The following SMARCC1 variants were observed in gnomAD, a reference collection of about 807,000 sequenced individuals.
SMARCC1 encodes the protein SWI/SNF complex subunit SMARCC1.
A neutral mutation model predicts 147.4 loss-of-function variants in SMARCC1; 43 were observed. That is an observed-to-expected ratio of 0.29 (90% confidence interval 0.23 to 0.38). The LOEUF is 0.38. Among genes scored for constraint, SMARCC1 ranks in the 10% least tolerant of loss-of-function variants. The pLI is 1.00. For synonymous variants in SMARCC1, 495 were observed against 484.4 expected, an observed-to-expected ratio of 1.02 and a Z score of -0.29; for missense variants, 1,119 against 1,381.1, an observed-to-expected ratio of 0.81 and a Z score of 3.01.
chr3:47,588,952 A>C lies in SMARCC1; in HGVS notation c.3221-646T>G, dbSNP rs2032129010. ...TGGGACTCTTTCCTATTTCAACTTT[A>C]CCTGCTTTAGTGTACAAAAGAACCC... On this transcript the variant is annotated intron_variant, in intron 27 of 27. Coordinates refer to ENST00000254480, the MANE Select transcript of SMARCC1 (RefSeq NM_003074.4). Among the ~76,000 whole-genome samples the C allele has an allele frequency of 2.0e-5, 3 of 152,030 alleles. No homozygotes were observed. The South Asian group carries it at 6.2e-4, about 32-fold the overall frequency.
In SMARCC1 at chr3:47,590,740, G is replaced by T; in HGVS notation, c.3141C>A (p.Gly1047=). The stretch of plus-strand genomic sequence containing the variant: ...TTGGTGGCATGCCAGGAGGGGTAGG[G>T]CCACTCCCAGAGGGGTGGATGTTGG... ...VAANIHPSGS[G]PTPPGMPPMP... The change falls in exon 27 of 28, where the codon GGC becomes GGA. Residue 1047 remains glycine, a synonymous_variant. Transcript: ENST00000254480. 1 of 1,602,336 alleles carries T rather than the reference G, an allele frequency of 6.2e-7. No individual in the cohort carries two copies. The highest frequency in any genetic ancestry group is 1.1e-5 in the South Asian group (1 of 89,026).
chr3:47,727,297 A>G (rs1240511892), intron 6 of SMARCC1, among the ~76,000 whole-genome samples: 5 of 152,146 alleles, frequency 3.3e-5, no homozygotes, highest in African/African-American at 1.2e-4. Flanking sequence ...TCATGAGGTC[A>G]GGAGTTCGAG....
chr3:47,627,586 A>G (rs1322774685), intron 24 of SMARCC1, among the ~76,000 whole-genome samples: 2 of 152,194 alleles, frequency 1.3e-5, no homozygotes, highest in African/African-American at 2.4e-5. Flanking sequence ...CCAGAGCACT[A>G]CCAGCAAAGG....
chr3:47,744,805 C>T (rs1477554268), intron 3 of SMARCC1, among the ~76,000 whole-genome samples: 1 of 152,070 alleles, frequency 6.6e-6, no homozygotes, highest in Non-Finnish European at 1.5e-5. Context: ...CCAAGAGAGA[C>T]AGCTAGAAAA....
chr3:47,698,820 T>A (rs570751764), intron 11 of SMARCC1, among the ~76,000 whole-genome samples: 1 of 151,970 alleles, frequency 6.6e-6, no homozygotes, highest in East Asian at 1.9e-4. Context: ...AAAACTATAA[T>A]AACTCAGGCC....
rs139270902 is a variant in SMARCC1, at chr3:47,720,200, T to C, written c.716+466A>G. 7.5e-3 allele frequency among the ~76,000 whole-genome samples: 1,144 copies of C among 152,272 alleles called. 7 individuals are homozygous for C. Among genetic ancestry groups the C allele is most frequent in the Non-Finnish European group, 0.012 (838 of 68,022 alleles). On this transcript the variant is annotated intron_variant, in intron 7 of 27. Transcript: ENST00000254480. ...GGGAAACGGCGCAATCTCGGCTCAC[T>C]GAAACCTCCACCTCCCGGGTTCAAG...
chr3:47,693,278 T>C lies in SMARCC1; in HGVS notation c.1188A>G (p.Glu396=). 1 of 1,589,070 alleles carries C rather than the reference T, an allele frequency of 6.3e-7. No individual in the cohort carries two copies. The highest frequency in any genetic ancestry group is 1.1e-5 in the South Asian group (1 of 90,452). The change falls in exon 12 of 28, where the codon GAA becomes GAG. Residue 396 remains glutamate (E), a synonymous_variant. Coordinates refer to ENST00000254480, the MANE Select transcript of SMARCC1 (RefSeq NM_003074.4). ...PKNVNLKKDS[E]NTPVKGGTVA... Reference sequence around the variant, plus strand: ...CAGTTCCTCCTTTAACAGGTGTATTTTCACTATCTTTCTTTAGGTTCACTA... The same window carrying C: ...CAGTTCCTCCTTTAACAGGTGTATTCTCACTATCTTTCTTTAGGTTCACTA...
At chr3:47,776,044 A>G (rs1212861193) in intron 1 of SMARCC1, among the ~76,000 whole-genome samples, 7 of 151,860 alleles carry the variant, frequency 4.6e-5, no homozygotes, top group African/African-American at 1.7e-4. Flanking sequence ...GCTGCTTGGG[A>G]GGCTGAGGCA....
rs1299961613 is a variant in SMARCC1, at chr3:47,587,979, GA to G, written c.*229del. Reference sequence around the variant, plus strand: ...GGGAGATGCAGGTTATTTTAAGGATGACCAGGGCACACTGTCACTACAGGTT... The same window carrying G: ...GGGAGATGCAGGTTATTTTAAGGATGCCAGGGCACACTGTCACTACAGGTT... On this transcript the variant is annotated 3_prime_UTR_variant, in exon 28 of 28. Coordinates refer to ENST00000254480, the MANE Select transcript of SMARCC1 (RefSeq NM_003074.4). 2 of 527,712 alleles carry G rather than the reference GA, an allele frequency of 3.8e-6. No individual in the cohort carries two copies. Among genetic ancestry groups the G allele is most frequent in the Non-Finnish European group, 6.7e-6 (2 of 299,252 alleles). The allele number at this position is 527,712 out of a possible 1,614,324, so 32.7% of individuals were successfully genotyped here.
chr3:47,602,118 T>C (rs2032397296), intron 26 of SMARCC1, among the ~76,000 whole-genome samples: 1 of 151,982 alleles, frequency 6.6e-6, no homozygotes, highest in Admixed American at 6.6e-5. Flanking sequence ...TGTAAGTAGG[T>C]GTGAGGGGCT....
intron 11 of SMARCC1, among the ~76,000 whole-genome samples, chr3:47,697,112 G>A (rs1417288029): frequency 3.9e-5 from 6 of 152,134 alleles, no homozygotes; most frequent in Non-Finnish European, 8.8e-5. Context: ...CTTGAGCTCA[G>A]GAGTTTGAGA....
At chr3:47,755,729 A>G (rs899331632) in intron 2 of SMARCC1, among the ~76,000 whole-genome samples, 3 of 151,496 alleles carry the variant, frequency 2.0e-5, no homozygotes, top group African/African-American at 4.8e-5. Context: ...GCGGTGGCTC[A>G]TGTCTGTAAT....
chr3:47,657,016 T>C (rs1405249314), intron 21 of SMARCC1, among the ~76,000 whole-genome samples: 2 of 152,048 alleles, frequency 1.3e-5, no homozygotes, highest in Non-Finnish European at 2.9e-5. Context: ...CACAAAACGT[T>C]ATATAAGACA....
intron 5 of SMARCC1, among the ~76,000 whole-genome samples, chr3:47,734,107 G>A (rs1488979874): frequency 1.3e-5 from 2 of 152,000 alleles, no homozygotes; most frequent in Non-Finnish European, 2.9e-5. Context: ...TTTCCAGTAT[G>A]ACCCGGTGAC....
At chr3:47,609,001 A>G (rs1056285404) in intron 26 of SMARCC1, among the ~76,000 whole-genome samples, 9 of 152,146 alleles carry the variant, frequency 5.9e-5, no homozygotes, top group African/African-American at 2.2e-4. Context: ...CACATTGTGG[A>G]AAAACCCTGG....
intron 15 of SMARCC1, among the ~76,000 whole-genome samples, chr3:47,679,456 T>C (rs760951906): frequency 9.9e-5 from 15 of 152,224 alleles, no homozygotes; most frequent in Non-Finnish European, 1.5e-4. Context: ...CATGCAGCTA[T>C]ATCATCATAT....
intron 6 of SMARCC1, among the ~76,000 whole-genome samples, chr3:47,721,254 T>A (rs2034229594): frequency 6.6e-6 from 1 of 152,192 alleles, no homozygotes; most frequent in African/African-American, 2.4e-5. Flanking sequence ...TCAAAGCTTT[T>A]ACCAAAAATA....
chr3:47,597,869 G>A (rs992456074), intron 26 of SMARCC1, among the ~76,000 whole-genome samples: 4 of 152,212 alleles, frequency 2.6e-5, no homozygotes, highest in Admixed American at 2.6e-4. Context: ...TCTGACTGCT[G>A]GGAGTGTGAA....
At chr3:47,762,121 A>G (rs2106862814) in intron 2 of SMARCC1, among the ~76,000 whole-genome samples, 1 of 152,224 alleles carries the variant, frequency 6.6e-6, no homozygotes, top group Non-Finnish European at 1.5e-5. Context: ...ATTTTTAGAA[A>G]CTCAGAGAGA....
Sources: allele counts gnomAD v4.1 joint callset (sites outside exome capture counted in the v4.1 genomes callset), GRCh38; gene constraint gnomAD v4.1.1; transcripts MANE v1.5; gene names NCBI Gene and HGNC (gene_info 2026-07-23, HGNC 2026-07-21).